The following PCDHB10 variants were observed in gnomAD, a reference collection of about 807,000 sequenced individuals.
The protein encoded by PCDHB10 is protocadherin beta 10.
For missense variants in PCDHB10, 1,046 were observed against 1,004.7 expected (o/e 1.04, Z -0.56); for synonymous variants, 448 against 449.2 (o/e 1.00, Z 0.04).
rs782628998 is a variant in PCDHB10 at position 141,193,131 on chromosome 5, G to A, written c.579G>A (p.Glu193=). The change falls in exon 1 of 1, where the codon GAG becomes GAA. Residue 193 remains glutamate (E), a synonymous_variant. Transcript: ENST00000239446. Reference sequence around the variant, plus strand: ...GTGATGAAGGCATGATATATCCAGAGCTAGTGTTGGACAAAGCACTGGATC... The same window carrying A: ...GTGATGAAGGCATGATATATCCAGAACTAGTGTTGGACAAAGCACTGGATC... ...SGGDEGMIYP[E]LVLDKALDRE... 1.9e-6 allele frequency: 3 copies of A among 1,614,142 alleles called. No individual in the cohort carries two copies. Among genetic ancestry groups the A allele is most frequent in the Non-Finnish European group, 2.5e-6 (3 of 1,180,024 alleles).
Position 141,193,973 on chromosome 5 carries a change from G to A in PCDHB10, c.1421G>A (p.Ser474Asn). ...CCCGCCCTGCACATCGGCAGCGTCA[G>A]CGCCACAGACAGAGACTCGGGCACC... ...NSPALHIGSV[S>N]ATDRDSGTNA... Residue 474 changes from serine to asparagine, a missense_variant, in exon 1 of 1, where the codon AGC becomes AAC. Ser to Asn is a conservative substitution (Grantham distance 46). Coordinates refer to ENST00000239446, the MANE Select transcript of PCDHB10 (RefSeq NM_018930.4). The A allele has an allele frequency of 1.2e-6, 2 of 1,611,126 alleles. No homozygotes were observed. The highest frequency in any genetic ancestry group is 1.7e-6 in the Non-Finnish European group (2 of 1,179,420).
chr5:141,193,389 T>C lies in PCDHB10; in HGVS notation c.837T>C (p.Tyr279=). The C allele has an allele frequency of 6.2e-7, 1 of 1,614,196 alleles. No homozygotes were observed. The highest frequency in any genetic ancestry group is 8.5e-7 in the Non-Finnish European group (1 of 1,180,012). ...CTGGAGTCAACGCGGAAGTATCCTATTCATTTTTTGATGCCTCAGAAAATA... is the reference window on the plus strand; with the variant it reads ...CTGGAGTCAACGCGGAAGTATCCTACTCATTTTTTGATGCCTCAGAAAATA... ...VDSGVNAEVS[Y]SFFDASENIR... is the part of the protein sequence containing the mutation. The change falls in exon 1 of 1, where the codon TAT becomes TAC. Residue 279 remains tyrosine, a synonymous_variant. Coordinates refer to ENST00000239446, the MANE Select transcript of PCDHB10 (RefSeq NM_018930.4).
Position 141,193,881 on chromosome 5 carries a change from C to T in PCDHB10, c.1329C>T (p.Asp443=), listed in dbSNP as rs375569292. Residue 443 remains aspartate (D), a synonymous_variant, in exon 1 of 1, where the codon GAC becomes GAT. Transcript: ENST00000239446. ...ACAACATAACGGTCCTGGTCTCCGA[C>T]GTCAATGACAACGCCCCCGCCTTCA... ...TEHNITVLVS[D]VNDNAPAFTQ... is the part of the protein sequence containing the mutation. 1.9e-6 allele frequency: 3 copies of T among 1,613,916 alleles called. No homozygotes were observed. Among genetic ancestry groups the T allele is most frequent in the Non-Finnish European group, 2.5e-6 (3 of 1,180,028 alleles).
In PCDHB10 at chr5:141,193,818, C is replaced by A. The variant is rs782561316; in HGVS notation, c.1266C>A (p.Thr422=). ...EIRAEYNITI[T]VTDLGTPRLK... is the part of the protein sequence containing the mutation. ...GAGCCGAGTACAACATCACTATCAC[C>A]GTCACTGACTTGGGGACACCCAGGC... Residue 422 remains threonine, a synonymous_variant, in exon 1 of 1, where the codon ACC becomes ACA. Transcript: ENST00000239446. 6 of 1,614,178 alleles carry A rather than the reference C, an allele frequency of 3.7e-6. No individual in the cohort carries two copies. Among genetic ancestry groups the A allele is most frequent in the South Asian group, 1.1e-5 (1 of 91,084 alleles).
At position 141,193,645 on chromosome 5, in the gene PCDHB10, C is replaced by G. The variant is rs781879922; in HGVS notation, c.1093C>G (p.Leu365Val). Reference protein sequence around the residue: ...SVAENSPETPLAVFKINDRDS... With the variant: ...SVAENSPETPVAVFKINDRDS... The stretch of plus-strand genomic sequence containing the variant: ...TGCTGAGAATTCTCCTGAGACGCCG[C>G]TGGCTGTTTTTAAGATTAATGACAG... The change falls in exon 1 of 1, where the codon CTG (leucine) becomes GTG (valine). Residue 365 changes from leucine to valine, a missense_variant. Leu to Val is a conservative substitution (Grantham distance 32). Coordinates refer to ENST00000239446, the MANE Select transcript of PCDHB10 (RefSeq NM_018930.4). 7.4e-6 allele frequency: 12 copies of G among 1,614,054 alleles called. No individual in the cohort carries two copies. Among genetic ancestry groups the G allele is most frequent in the Middle Eastern group, 3.3e-4 (2 of 6,084 alleles).
Position 141,194,012 on chromosome 5 carries a change from C to T in PCDHB10, c.1460C>T (p.Thr487Ile). The change falls in exon 1 of 1, where the codon ACC becomes ATC. Residue 487 changes from threonine to isoleucine, a missense_variant. Coordinates refer to ENST00000239446, the MANE Select transcript of PCDHB10 (RefSeq NM_018930.4). ...GACTCGGGCACCAACGCCCAGGTCA[C>T]CTACTCGCTGCTGCCGCCCCAAGAC... is the stretch of plus-strand genomic sequence containing the variant. ...DRDSGTNAQV[T>I]YSLLPPQDPH... 6.2e-7 allele frequency: 1 copy of T among 1,609,076 alleles called. No individual in the cohort carries two copies. Among genetic ancestry groups the T allele is most frequent in the Non-Finnish European group, 8.5e-7 (1 of 1,178,446 alleles).
Position 141,192,839 on chromosome 5 carries a change from G to T in PCDHB10, c.287G>T (p.Cys96Phe), listed in dbSNP as rs782114454. The T allele has an allele frequency of 3.7e-6, 6 of 1,612,248 alleles. No individual in the cohort carries two copies. In the Admixed American group the frequency reaches 5.0e-5, roughly 13 times the overall value. Reference protein sequence around the residue: ...TNEKLDREKLCGPKEPCMLYF... With the variant: ...TNEKLDREKLFGPKEPCMLYF... Reference sequence around the variant, plus strand: ...GAGAAACTGGACCGAGAGAAGCTGTGTGGCCCTAAAGAGCCCTGTATGCTG... The same window carrying T: ...GAGAAACTGGACCGAGAGAAGCTGTTTGGCCCTAAAGAGCCCTGTATGCTG... The change falls in exon 1 of 1, where the codon TGT becomes TTT. Residue 96 changes from cysteine (C) to phenylalanine (F), a missense_variant. Cys to Phe is a radical substitution (Grantham distance 205). Transcript: ENST00000239446.
In PCDHB10 at chr5:141,193,612, A is replaced by G. The variant is rs1554284121; in HGVS notation, c.1060A>G (p.Asn354Asp). Residue 354 changes from asparagine to aspartate, a missense_variant, in exon 1 of 1, where the codon AAC becomes GAC. By Grantham distance (23) the Asn-to-Asp change is conservative. Coordinates refer to ENST00000239446, the MANE Select transcript of PCDHB10 (RefSeq NM_018930.4). ...TGAACTGATCGTATCATCATTTTCC[A>G]ACTCTGTTGCTGAGAATTCTCCTGA... Reference protein sequence around the residue: ...PPELIVSSFSNSVAENSPETP... With the variant: ...PPELIVSSFSDSVAENSPETP... 2 of 1,614,072 alleles carry G rather than the reference A, an allele frequency of 1.2e-6. No individual in the cohort carries two copies. The highest frequency in any genetic ancestry group is 2.2e-5 in the South Asian group (2 of 91,082).
In PCDHB10 at chr5:141,192,490, T is replaced by A. The variant is rs1256381669; in HGVS notation, c.-63T>A. 1 of 1,569,496 alleles carries A rather than the reference T, an allele frequency of 6.4e-7. No individual in the cohort carries two copies. Among genetic ancestry groups the A allele is most frequent in the Non-Finnish European group, 8.6e-7 (1 of 1,160,096 alleles). ...ACGGCGTAGGTGCAGGGTTTCCTAC[T>A]GCTGTTCTTTTATGCTGGGAGCTGT... On this transcript the variant is annotated 5_prime_UTR_variant, in exon 1 of 1. Transcript: ENST00000239446.
chr5:141,194,580 G>A lies in PCDHB10; in HGVS notation c.2028G>A (p.Ala676=). 1.9e-6 allele frequency: 3 copies of A among 1,560,110 alleles called. No homozygotes were observed. The highest frequency in any genetic ancestry group is 1.5e-5 in the African/African-American group (1 of 65,794). Reference sequence around the variant, plus strand: ...AGCCCTACCTGCCTCTCCCGGAGGCGGCCCCGGCCCAGGCCCAGGCCGAGG... The same window carrying A: ...AGCCCTACCTGCCTCTCCCGGAGGCAGCCCCGGCCCAGGCCCAGGCCGAGG... ...FSQPYLPLPE[A]APAQAQAEAD... The change falls in exon 1 of 1, where the codon GCG becomes GCA. Residue 676 remains alanine (A), a synonymous_variant. Coordinates refer to ENST00000239446, the MANE Select transcript of PCDHB10 (RefSeq NM_018930.4).
chr5:141,192,446 A>G lies in PCDHB10; in HGVS notation c.-107A>G, dbSNP rs1588370243. On this transcript the variant is annotated 5_prime_UTR_variant, in exon 1 of 1. Coordinates refer to ENST00000239446, the MANE Select transcript of PCDHB10 (RefSeq NM_018930.4). The stretch of plus-strand genomic sequence containing the variant: ...CAAAGATTGGGAAAGGGAAAGGACA[A>G]AAAAGACCCCTGGGCTACACGGCGT... 1.4e-6 allele frequency: 2 copies of G among 1,441,264 alleles called. No homozygotes were observed. Among genetic ancestry groups the G allele is most frequent in the East Asian group, 2.3e-5 (1 of 43,896 alleles). 89.3% of individuals were successfully genotyped at this position (1,441,264 alleles called of 1,614,324 possible). A position where few individuals can be genotyped will look rare whatever the true frequency, so the allele number is the denominator to read the frequency against.
Position 141,193,114 on chromosome 5 carries a change from G to C in PCDHB10, c.562G>C (p.Gly188Arg), listed in dbSNP as rs782585302. 15 of 1,614,144 alleles carry C rather than the reference G, an allele frequency of 9.3e-6. No individual in the cohort carries two copies. Among genetic ancestry groups the C allele is most frequent in the Non-Finnish European group, 1.2e-5 (14 of 1,180,026 alleles). ...FHINISGGDE[G>R]MIYPELVLDK... The stretch of plus-strand genomic sequence containing the variant: ...TATTAACATTAGTGGCGGTGATGAA[G>C]GCATGATATATCCAGAGCTAGTGTT... Residue 188 changes from glycine (G) to arginine (R), a missense_variant, in exon 1 of 1, where the codon GGC (glycine) becomes CGC (arginine). Transcript: ENST00000239446.
chr5:141,192,503 T>C lies in PCDHB10; in HGVS notation c.-50T>C, dbSNP rs782539179. The C allele has an allele frequency of 1.3e-6, 2 of 1,583,134 alleles. No homozygotes were observed. Among genetic ancestry groups the C allele is most frequent in the African/African-American group, 2.7e-5 (2 of 73,840 alleles). On this transcript the variant is annotated 5_prime_UTR_variant, in exon 1 of 1. The change abolishes an upstream ATG in the 5' untranslated region. Coordinates refer to ENST00000239446, the MANE Select transcript of PCDHB10 (RefSeq NM_018930.4). ...AGGGTTTCCTACTGCTGTTCTTTTA[T>C]GCTGGGAGCTGTGGCTGTAACCAAC...
In PCDHB10 at chr5:141,192,542, A is replaced by G; in HGVS notation, c.-11A>G. 6.2e-7 allele frequency: 1 copy of G among 1,611,370 alleles called. No homozygotes were observed. The highest frequency in any genetic ancestry group is 8.5e-7 in the Non-Finnish European group (1 of 1,178,860). On this transcript the variant is annotated 5_prime_UTR_variant, in exon 1 of 1. An upstream start codon of the reference 5' UTR is lost. Coordinates refer to ENST00000239446, the MANE Select transcript of PCDHB10 (RefSeq NM_018930.4). ...GCTGTAACCAACTAGGAAATAACGTATGCAGCAGCTATGGCTGTCAGAGAG... is the reference window on the plus strand; with the variant it reads ...GCTGTAACCAACTAGGAAATAACGTGTGCAGCAGCTATGGCTGTCAGAGAG...
rs532217089 is a variant in PCDHB10, at chr5:141,194,773, G to T, written c.2221G>T (p.Val741Leu). 5.0e-6 allele frequency: 8 copies of T among 1,614,120 alleles called. No individual in the cohort carries two copies. In the Admixed American group the frequency reaches 5.0e-5, roughly 10 times the overall value. ...TCCTTTTCCAGGGCATCTGGTGGAC[G>T]TGAGGGGCGCTGAGACCCTGTCCCA... is the stretch of plus-strand genomic sequence containing the variant. ...EGPFPGHLVD[V>L]RGAETLSQSY... is the part of the protein sequence containing the mutation. The change falls in exon 1 of 1, where the codon GTG becomes TTG. Residue 741 changes from valine to leucine, a missense_variant. Transcript: ENST00000239446.
chr5:141,194,459 C>A lies in PCDHB10; in HGVS notation c.1907C>A (p.Ala636Asp). 6.2e-7 allele frequency: 1 copy of A among 1,603,952 alleles called. No homozygotes were observed. The highest frequency in any genetic ancestry group is 2.2e-5 in the East Asian group (1 of 44,738). The part of the protein sequence containing the change: ...TARLLSERDA[A>D]KHRLVVLVKD... ...AGGCTGCTGAGCGAGCGCGACGCAG[C>A]CAAGCACAGGCTCGTGGTGCTTGTC... Residue 636 changes from alanine (A) to aspartate (D), a missense_variant, in exon 1 of 1, where the codon GCC becomes GAC. Physicochemically the swap from Ala to Asp is moderately radical, Grantham distance 126. Transcript: ENST00000239446.
rs782552272 is a variant in PCDHB10, at chr5:141,192,805, C to G, written c.253C>G (p.Leu85Val). 7 of 1,608,802 alleles carry G rather than the reference C, an allele frequency of 4.4e-6. No individual in the cohort carries two copies. The highest frequency in any genetic ancestry group is 1.7e-4 in the Middle Eastern group (1 of 6,058). ...CCTGGATTCACATACCGGGAATTTG[C>G]TCACAAATGAGAAACTGGACCGAGA... The part of the protein sequence containing the change: ...LLLDSHTGNL[L>V]TNEKLDREKL... The change falls in exon 1 of 1, where the codon CTC becomes GTC. Residue 85 changes from leucine to valine, a missense_variant. Transcript: ENST00000239446.
Position 141,193,883 on chromosome 5 carries a change from T to C in PCDHB10, c.1331T>C (p.Val444Ala). The change falls in exon 1 of 1, where the codon GTC becomes GCC. Residue 444 changes from valine to alanine, a missense_variant. Transcript: ENST00000239446. The part of the protein sequence containing the change: ...EHNITVLVSD[V>A]NDNAPAFTQT... ...AACATAACGGTCCTGGTCTCCGACG[T>C]CAATGACAACGCCCCCGCCTTCACC... is the stretch of plus-strand genomic sequence containing the variant. 6.2e-7 allele frequency: 1 copy of C among 1,613,842 alleles called. No individual in the cohort carries two copies. The highest frequency in any genetic ancestry group is 8.5e-7 in the Non-Finnish European group (1 of 1,180,002).
chr5:141,193,176 C>G lies in PCDHB10; in HGVS notation c.624C>G (p.Leu208=). Residue 208 remains leucine (L), a synonymous_variant, in exon 1 of 1, where the codon CTC becomes CTG. Transcript: ENST00000239446. ...KALDREEQGE[L]SLTLTALDGG... ...TGGATCGGGAGGAGCAGGGAGAGCTCAGCTTAACCCTCACAGCGCTGGATG... is the reference window on the plus strand; with the variant it reads ...TGGATCGGGAGGAGCAGGGAGAGCTGAGCTTAACCCTCACAGCGCTGGATG... The G allele has an allele frequency of 1.2e-6, 2 of 1,614,100 alleles. No homozygotes were observed. Among genetic ancestry groups the G allele is most frequent in the Middle Eastern group, 1.6e-4 (1 of 6,062 alleles).
Sources: allele counts gnomAD v4.1 joint callset, GRCh38; gene constraint gnomAD v4.1.1; transcripts MANE v1.5; gene names NCBI Gene and HGNC (gene_info 2026-07-23, HGNC 2026-07-21).